The following EBF4 variants were observed in gnomAD, a reference collection of about 807,000 sequenced individuals.
EBF4 encodes the protein transcription factor COE4.
A neutral mutation model predicts 67.1 loss-of-function variants in EBF4; 34 were observed. The ratio of observed to expected loss-of-function variants is 0.51; its 90% CI spans 0.39 to 0.67. EBF4 has a LOEUF of 0.67. EBF4 is among the 30% of genes least tolerant of loss of function. The pLI is 0.00. For missense variants in EBF4, 837 were observed against 873.3 expected (o/e 0.96, Z 0.52); for synonymous variants, 387 against 377.7 (o/e 1.02, Z -0.29).
chr20:2,707,168 A>T lies in EBF4; in HGVS notation c.415-779A>T, dbSNP rs1276362130. Among the ~76,000 whole-genome samples the T allele has an allele frequency of 6.6e-6, 1 of 152,060 alleles. No homozygotes were observed. Among genetic ancestry groups the T allele is most frequent in the Non-Finnish European group, 1.5e-5 (1 of 67,996 alleles). ...AGAGGGAAGAATGGTTTGTTTCTAG[A>T]ATACCCATGGCCACTGGGCTGGGGG... is the stretch of plus-strand genomic sequence containing the variant. On this transcript the variant is annotated intron_variant, in intron 4 of 16. Transcript: ENST00000609451. This position sits in a 1 kb window ranked among gnomAD's most constrained non-coding sequence, Gnocchi z 4.6.
chr20:2,742,553 T>C (rs915382665), intron 6 of EBF4, among the ~76,000 whole-genome samples: 27 of 152,190 alleles, frequency 1.8e-4, no homozygotes, highest in African/African-American at 6.3e-4. Context: ...CTGTGGGGTC[T>C]GGATTAGGAA....
intron 5 of EBF4, 130 bp from the exon 6 acceptor site, chr20:2,709,444 C>A: frequency 2.5e-6 from 2 of 809,414 alleles, no homozygotes; most frequent in Non-Finnish European, 3.6e-6. Flanking sequence ...GCCCCTCCAG[C>A]CCAGGGATTC....
At chr20:2,693,525 C>T (rs79348786), upstream of EBF4, 39 of 1,213,112 alleles carry the variant, frequency 3.2e-5, no homozygotes, top group Non-Finnish European at 3.8e-5. The surrounding 1 kb of genome is among the most constrained non-coding windows in gnomAD (Gnocchi z 4.6). Context: ...CTGAGCCACC[C>T]GGACTCGGCG....
chr20:2,713,470 T>G (rs2087569450), intron 6 of EBF4, among the ~76,000 whole-genome samples: 1 of 151,608 alleles, frequency 6.6e-6, no homozygotes, highest in African/African-American at 2.4e-5. Context: ...TCCAAGAGAG[T>G]GAGTGAACCA....
intron 15 of EBF4, among the ~76,000 whole-genome samples, chr20:2,757,285 G>A (rs961322313): frequency 4.6e-5 from 7 of 152,174 alleles, no homozygotes; most frequent in African/African-American, 1.4e-4. Flanking sequence ...CCACAGAATC[G>A]GCTACCCTGA....
chr20:2,754,972 C>CA (rs1394259834), intron 14 of EBF4: 1 of 100,872 alleles, frequency 9.9e-6, no homozygotes, highest in Non-Finnish European at 2.6e-5. Flanking sequence ...AGGAGACCAC[C>CA]CCCCCCCACA....
chr20:2,711,880 A>C (rs779771697), intron 6 of EBF4, among the ~76,000 whole-genome samples: 4 of 152,218 alleles, frequency 2.6e-5, no homozygotes, highest in Non-Finnish European at 5.9e-5. Flanking sequence ...AGGGTATTTA[A>C]GGTCTCACTG....
chr20:2,713,908 C>T (rs1037209080), intron 6 of EBF4, among the ~76,000 whole-genome samples: 2 of 151,992 alleles, frequency 1.3e-5, no homozygotes, highest in South Asian at 2.1e-4. Flanking sequence ...GAGACAAGAT[C>T]GTTGGAGAAA....
chr20:2,721,246 C>CTTTTTTTTTTTTTTTTTTTTTTTTTT (rs146844927), intron 6 of EBF4, among the ~76,000 whole-genome samples: 1 of 108,122 alleles, frequency 9.2e-6, no homozygotes. Context: ...TGATTCTCTT[C>CTTTTTTTTTTTTTTTTTTTTTTTTTT]TTTTTTTTTT....
At chr20:2,738,879 T>C (rs1266822517) in intron 6 of EBF4, among the ~76,000 whole-genome samples, 1 of 152,206 alleles carries the variant, frequency 6.6e-6, no homozygotes, top group African/African-American at 2.4e-5. Flanking sequence ...TGGTGGGCCA[T>C]TAGCATAGAG....
chr20:2,750,438 T>C (rs2088125681), intron 10 of EBF4, among the ~76,000 whole-genome samples: 1 of 152,030 alleles, frequency 6.6e-6, no homozygotes, highest in Non-Finnish European at 1.5e-5. Flanking sequence ...CGTGCGTACA[T>C]ACACACCCCT....
intron 6 of EBF4, among the ~76,000 whole-genome samples, chr20:2,744,174 G>T (rs1485463513): frequency 6.7e-6 from 1 of 149,304 alleles, no homozygotes; most frequent in South Asian, 2.1e-4. Flanking sequence ...TCCGCCTCCC[G>T]GGTTCAAGTG....
At chr20:2,708,700 G>A (rs2087495068) in intron 5 of EBF4, among the ~76,000 whole-genome samples, 1 of 152,204 alleles carries the variant, frequency 6.6e-6, no homozygotes, top group Non-Finnish European at 1.5e-5. Context: ...TCTAGCCTGG[G>A]TGACAGATCC....
chr20:2,730,713 A>C (rs888612470), intron 6 of EBF4, among the ~76,000 whole-genome samples: 1 of 152,234 alleles, frequency 6.6e-6, no homozygotes, highest in African/African-American at 2.4e-5. Flanking sequence ...CCCTTTAGGC[A>C]TGCGAAGCTG....
intron 6 of EBF4, among the ~76,000 whole-genome samples, chr20:2,737,207 G>A (rs58365946): frequency 0.13 from 18,976 of 146,344 alleles, 2,511 homozygotes; most frequent in African/African-American, 0.33. Flanking sequence ...CCGAGATCGC[G>A]CCACTGCACT....
intron 10 of EBF4, among the ~76,000 whole-genome samples, chr20:2,750,416 C>G (rs1480838064): frequency 6.6e-6 from 1 of 152,244 alleles, no homozygotes; most frequent in Non-Finnish European, 1.5e-5. Flanking sequence ...TCTGCATGTA[C>G]ACGCACACAC....
intron 1 of EBF4, among the ~76,000 whole-genome samples, chr20:2,698,086 G>C (rs143030394): frequency 6.6e-6 from 1 of 152,372 alleles, no homozygotes; most frequent in Non-Finnish European, 1.5e-5. Context: ...GAGAGCAGTG[G>C]AGTGGGGAGT....
chr20:2,744,079 T>A (rs371986011), intron 6 of EBF4, among the ~76,000 whole-genome samples: 4,602 of 115,566 alleles, frequency 0.04, 239 homozygotes, highest in African/African-American at 0.14. Flanking sequence ...TTATTTATTT[T>A]TTTTATTTTT....
intron 1 of EBF4, among the ~76,000 whole-genome samples, chr20:2,699,179 G>C (rs554086754): frequency 1.1e-3 from 161 of 152,322 alleles, no homozygotes; most frequent in Non-Finnish European, 2.0e-3. Flanking sequence ...AGCAATAGCA[G>C]TCAGACACCT....
Sources: allele counts gnomAD v4.1 joint callset (sites outside exome capture counted in the v4.1 genomes callset), GRCh38; gene constraint gnomAD v4.1.1; non-coding constraint Gnocchi (gnomAD v3.1); transcripts MANE v1.5; gene names NCBI Gene and HGNC (gene_info 2026-07-23, HGNC 2026-07-21).